Variants in COG8 observed in about 807,000 individuals in gnomAD.
COG8 encodes the protein component of oligomeric golgi complex 8, also known as conserved oligomeric Golgi complex subunit 8.
A neutral mutation model predicts 46.5 loss-of-function variants in COG8; 45 were observed. That is an observed-to-expected ratio of 0.97 (90% CI 0.76 to 1.24). COG8 has a LOEUF of 1.24. Ranked by LOEUF, COG8 falls within the 50% of genes most tolerant of loss-of-function variation. The probability of loss-of-function intolerance (pLI) is 0.00; values close to 1 mark genes in which losing one functional copy is unlikely to be tolerated. For synonymous variants in COG8, 407 were observed against 347.8 expected (o/e 1.17, Z -1.90); for missense variants, 793 against 820.8 (o/e 0.97, Z 0.41).
intron 4 of COG8, 71 bp from the exon 5 acceptor site, chr16:69,331,166 G>A: frequency 6.4e-7 from 1 of 1,558,846 alleles, no homozygotes; most frequent in Non-Finnish European, 8.7e-7. Context: ...ATTTAAGGGA[G>A]GCCGGGCGCG....
chr16:69,335,402 C>G, intron 2 of COG8, 54 bp from the exon 3 acceptor site: 1 of 1,418,810 alleles, frequency 7.0e-7, no homozygotes, highest in Non-Finnish European at 9.6e-7. Flanking sequence ...TCTCTAGAAC[C>G]CATTCCCCTA....
intron 4 of COG8, among the ~76,000 whole-genome samples, chr16:69,331,966 G>A (rs953954751): frequency 4.6e-5 from 7 of 152,230 alleles, no homozygotes; most frequent in Non-Finnish European, 8.8e-5. Flanking sequence ...GGCTTTGCAC[G>A]TGTGATGCAC....
In COG8 at chr16:69,330,642, G is replaced by C. The variant is rs79876002; in HGVS notation, c.*26+171C>G. On this transcript the variant is annotated intron_variant, in intron 5 of 5. Coordinates refer to ENST00000306875, the MANE Select transcript of COG8 (RefSeq NM_032382.5). ...GCGGGGCACGCCGGGAAGCGCCGTC[G>C]GCCAGCACACAGCGAAGCCGCGACT... is the stretch of plus-strand genomic sequence containing the variant. 10,257 of 1,406,716 alleles carry C rather than the reference G, an allele frequency of 7.3e-3. 563 individuals are homozygous for C. The South Asian group carries it at 0.12, about 16-fold the overall frequency. The allele number at this position is 1,406,716 out of a possible 1,614,324, so 87.1% of individuals were successfully genotyped here.
intron 3 of COG8, among the ~76,000 whole-genome samples, chr16:69,333,118 T>C (rs1196701606): frequency 6.6e-6 from 1 of 152,156 alleles, no homozygotes; most frequent in Non-Finnish European, 1.5e-5. Context: ...TAGTTTCCGG[T>C]TCCAGTGGAG....
At chr16:69,330,512 C>T (rs1180582142) in intron 5 of COG8, 4 of 1,472,730 alleles carry the variant, frequency 2.7e-6, no homozygotes, top group Non-Finnish European at 2.7e-6. Flanking sequence ...TGCCGCCCCG[C>T]CCCACGGCAC....
Position 69,328,925 on chromosome 16 carries a change from C to CGA in COG8, c.*279_*280dup. ...TGGCAATCCAGTTTCCTGTCATATG[C>CGA]GAGCCATCCAAGTTGATGCCAAGTA... On this transcript the variant is annotated 3_prime_UTR_variant, in exon 6 of 6. Transcript: ENST00000306875. 6.8e-7 allele frequency: 1 copy of CGA among 1,476,364 alleles called. No homozygotes were observed. The highest frequency in any genetic ancestry group is 9.1e-7 in the Non-Finnish European group (1 of 1,101,386). The allele number at this position is 1,476,364 out of a possible 1,614,324, so 91.5% of individuals were successfully genotyped here. A position where few individuals can be genotyped will look rare whatever the true frequency, so the allele number is the denominator to read the frequency against.
chr16:69,333,989 T>C (rs908871232), intron 3 of COG8, among the ~76,000 whole-genome samples: 1 of 152,160 alleles, frequency 6.6e-6, no homozygotes, highest in Non-Finnish European at 1.5e-5. Context: ...CTGCTGGCCT[T>C]GAGGAAGCAA....
In COG8 at chr16:69,332,740, G is replaced by A. The variant is rs1032712624; in HGVS notation, c.1556C>T (p.Pro519Leu). 1 of 1,614,070 alleles carries A rather than the reference G, an allele frequency of 6.2e-7. No homozygotes were observed. The highest frequency in any genetic ancestry group is 1.3e-5 in the African/African-American group (1 of 74,942). The change falls in exon 4 of 6, where the codon CCA becomes CTA. Residue 519 changes from proline to leucine, a missense_variant. Pro to Leu is a moderately conservative substitution (Grantham distance 98). Transcript: ENST00000306875. Reference sequence around the variant, plus strand: ...TAAAGTCTGTGCTATCTGAGCTGGTGGAAAAAGGACTTGGAGACAGCGATT... The same window carrying A: ...TAAAGTCTGTGCTATCTGAGCTGGTAGAAAAAGGACTTGGAGACAGCGATT... ...YLNRCLQVLF[P>L]PAQIAQTLGI... is the part of the protein sequence containing the mutation.
chr16:69,330,713 T>G lies in COG8; in HGVS notation c.*26+100A>C, dbSNP rs184252224. On this transcript the variant is annotated intron_variant, in intron 5 of 5. Coordinates refer to ENST00000306875, the MANE Select transcript of COG8 (RefSeq NM_032382.5). ...AGACTGGCAGTGAGCACCGCCCCCT[T>G]CCGCTCTCCTCCCGGGAGCGCCTTC... 1,240 of 1,407,984 alleles carry G rather than the reference T, an allele frequency of 8.8e-4. 8 individuals are homozygous for G. In the African/African-American group the frequency reaches 0.016, roughly 18 times the overall value. 87.2% of individuals were successfully genotyped at this position (1,407,984 alleles called of 1,614,324 possible). A position where few individuals can be genotyped will look rare whatever the true frequency, so the allele number is the denominator to read the frequency against.
rs370717020 is a variant in COG8 at position 69,339,231 on chromosome 16, C to T, written c.322G>A (p.Glu108Lys). Residue 108 changes from glutamate (E) to lysine (K), a missense_variant, in exon 1 of 6, where the codon GAG becomes AAG. By Grantham distance (56) the Glu-to-Lys change is moderately conservative (BLOSUM62 1). Transcript: ENST00000306875. Reference protein sequence around the residue: ...ERIHRLFGDVEASLGRLLDRL... With the variant: ...ERIHRLFGDVKASLGRLLDRL... ...TCGAGCAGGCGGCCGAGCGACGCCT[C>T]CACGTCGCCAAACAGGCGGTGGATG... 106 of 1,612,682 alleles carry T rather than the reference C, an allele frequency of 6.6e-5. No individual in the cohort carries two copies. Among genetic ancestry groups the T allele is most frequent in the Non-Finnish European group, 8.8e-5 (104 of 1,179,874 alleles).
intron 3 of COG8, 123 bp from the exon 4 acceptor site, chr16:69,333,005 C>A: frequency 3.6e-6 from 3 of 832,378 alleles, no homozygotes; most frequent in Non-Finnish European, 6.1e-6. Context: ...TTTAACAGTA[C>A]ATTATTTTAC....
intron 3 of COG8, among the ~76,000 whole-genome samples, chr16:69,333,741 C>G (rs1055350615): frequency 6.6e-6 from 1 of 152,222 alleles, no homozygotes; most frequent in African/African-American, 2.4e-5. Flanking sequence ...TGTAATCCCA[C>G]ACTTTGAGGG....
chr16:69,338,840 A>C (rs1567433285), intron 1 of COG8, among the ~76,000 whole-genome samples: 1 of 152,252 alleles, frequency 6.6e-6, no homozygotes, highest in East Asian at 1.9e-4. Context: ...ATCCAAAAAA[A>C]TTAGCTGGGC....
chr16:69,334,963 G>C lies in COG8; in HGVS notation c.971C>G (p.Ser324Ter). The C allele has an allele frequency of 6.2e-7, 1 of 1,614,184 alleles. No individual in the cohort carries two copies. The highest frequency in any genetic ancestry group is 8.5e-7 in the Non-Finnish European group (1 of 1,180,042). Residue 324 changes from serine to a stop codon, truncating the protein, a stop_gained, in exon 3 of 6, where the codon TCA becomes TGA. Coordinates refer to ENST00000306875, the MANE Select transcript of COG8 (RefSeq NM_032382.5). LOFTEE classifies it high-confidence loss of function. ...GGTCTCCAGCACCTGCAGGAATTGT[G>C]AGACCTTCTGTAGCACCCAGCCATG... ...IFHGWVLQKV[S>*]QFLQVLETDL...
intron 1 of COG8, among the ~76,000 whole-genome samples, chr16:69,337,305 T>C (rs1367870321): frequency 6.8e-6 from 1 of 147,732 alleles, no homozygotes; most frequent in Non-Finnish European, 1.5e-5. Context: ...AAAAAGTATA[T>C]AGGACCCTCC....
rs553715955 is a variant in COG8 at position 69,328,308 on chromosome 16, T to A, written c.*898A>T. 6.6e-6 allele frequency: 1 copy of A among 152,330 alleles called. No individual in the cohort carries two copies. Among genetic ancestry groups the A allele is most frequent in the South Asian group, 2.1e-4 (1 of 4,826 alleles). 9.4% of individuals were successfully genotyped at this position (152,330 alleles called of 1,614,324 possible). ...ATTCTATTTTTACAAAATAAGTGTA[T>A]AACCAGGAAGTACTAATCCTGCTTT... On this transcript the variant is annotated 3_prime_UTR_variant, in exon 6 of 6. Coordinates refer to ENST00000306875, the MANE Select transcript of COG8 (RefSeq NM_032382.5).
chr16:69,329,132 C>T lies in COG8; in HGVS notation c.*74G>A, dbSNP rs775047383. ...ATCTCGTGCTGGATGATGCGGGCTG[C>T]CCACCCGCTCGCCTGCCACACCACC... On this transcript the variant is annotated 3_prime_UTR_variant, in exon 6 of 6. Transcript: ENST00000306875. The T allele has an allele frequency of 6.2e-7, 1 of 1,608,552 alleles. No individual in the cohort carries two copies. The highest frequency in any genetic ancestry group is 8.5e-7 in the Non-Finnish European group (1 of 1,178,958).
At chr16:69,332,534 A>T (rs1027651392) in intron 4 of COG8, 180 bp downstream of exon 4, 11 of 684,692 alleles carry the variant, frequency 1.6e-5, no homozygotes, top group African/African-American at 1.4e-4. Flanking sequence ...GTTGCCAGGG[A>T]CTAAGGATGC....
Position 69,335,269 on chromosome 16 carries a change from A to G in COG8, c.665T>C (p.Leu222Pro). 1 of 1,613,468 alleles carries G rather than the reference A, an allele frequency of 6.2e-7. No homozygotes were observed. Among genetic ancestry groups the G allele is most frequent in the Non-Finnish European group, 8.5e-7 (1 of 1,179,886 alleles). ...GCCAATGACACGGAGGCAGGCAGGAAGCTGGATGTTGGTCCTCAGTTGCTG... is the reference window on the plus strand; with the variant it reads ...GCCAATGACACGGAGGCAGGCAGGAGGCTGGATGTTGGTCCTCAGTTGCTG... ...LIQQLRTNIQ[L>P]PACLRVIGYL... The change falls in exon 3 of 6, where the codon CTT (leucine) becomes CCT (proline). Residue 222 changes from leucine to proline, a missense_variant. Coordinates refer to ENST00000306875, the MANE Select transcript of COG8 (RefSeq NM_032382.5).
Sources: gnomAD v4.1 joint callset for allele counts (sites outside exome capture counted in the v4.1 genomes callset) on GRCh38, gnomAD v4.1.1 for gene constraint, MANE v1.5 for transcripts, NCBI Gene and HGNC (gene_info 2026-07-23, HGNC 2026-07-21) for gene names.